The following CRACR2A variants were observed in gnomAD, a reference collection of about 807,000 sequenced individuals.
CRACR2A encodes EF-hand calcium-binding domain-containing protein 4B.
CRACR2A carries 79 observed loss-of-function variants against 90.5 expected under a neutral mutation model. The ratio of observed to expected loss-of-function variants is 0.87; its 90% CI spans 0.73 to 1.05. The LOEUF is 1.05. CRACR2A is among the 50% of genes least tolerant of loss of function. The pLI is 0.00. For missense variants in CRACR2A, 823 were observed against 897.2 expected (o/e 0.92, Z 1.06); for synonymous variants, 338 against 356.7 (o/e 0.95, Z 0.59).
At chr12:3,645,654 G>C (rs1565471886) in intron 11 of CRACR2A, among the ~76,000 whole-genome samples, 1 of 152,182 alleles carries the variant, frequency 6.6e-6, no homozygotes, top group South Asian at 2.1e-4. Context: ...GCAACATGGA[G>C]GTCATTGGCA....
chr12:3,745,361 C>A (rs4765748), intron 1 of CRACR2A, among the ~76,000 whole-genome samples: 22,163 of 151,138 alleles, frequency 0.15, 1,711 homozygotes, highest in South Asian at 0.18. Context: ...TCCAAGAACT[C>A]CTCCTCCCTC....
chr12:3,693,261 C>G (rs1945679894), intron 4 of CRACR2A, among the ~76,000 whole-genome samples: 1 of 152,204 alleles, frequency 6.6e-6, no homozygotes, highest in South Asian at 2.1e-4. Flanking sequence ...CAGTCAGCCA[C>G]AAGTCTACCA....
intron 6 of CRACR2A, among the ~76,000 whole-genome samples, chr12:3,678,366 C>A (rs769415430): frequency 1.8e-4 from 27 of 152,274 alleles, no homozygotes; most frequent in Non-Finnish European, 3.2e-4. Flanking sequence ...CATTTCCCAC[C>A]TTGGCTTCCT....
chr12:3,615,649 A>G (rs566595465), intron 19 of CRACR2A, among the ~76,000 whole-genome samples: 2 of 152,134 alleles, frequency 1.3e-5, no homozygotes, highest in Non-Finnish European at 2.9e-5. Context: ...TTTAGTTGAC[A>G]TGGATCCTTC....
intron 4 of CRACR2A, among the ~76,000 whole-genome samples, chr12:3,686,289 C>T (rs919291752): frequency 6.6e-6 from 1 of 152,236 alleles, no homozygotes; most frequent in Non-Finnish European, 1.5e-5. Flanking sequence ...GTCACATCTA[C>T]TTCCCTCTGC....
At chr12:3,745,381 G>A (rs376164482) in intron 1 of CRACR2A, among the ~76,000 whole-genome samples, 42 of 150,842 alleles carry the variant, frequency 2.8e-4, no homozygotes, top group African/African-American at 5.2e-4. Context: ...CAATCCCACC[G>A]TGTCCTCCTC....
intron 17 of CRACR2A, among the ~76,000 whole-genome samples, chr12:3,622,747 C>T (rs181246079): frequency 2.2e-3 from 336 of 152,094 alleles, no homozygotes; most frequent in African/African-American, 7.2e-3. Context: ...TTTTTCAGCA[C>T]ATTAAAGCAT....
At chr12:3,627,752 A>AGCCTGG (rs1944293852) in intron 15 of CRACR2A, 46 bp from the exon 16 acceptor site, 1 of 1,515,310 alleles carries the variant, frequency 6.6e-7, no homozygotes, top group Non-Finnish European at 9.0e-7. Context: ...GGCCAGGGGC[A>AGCCTGG]CCTCACTTCC....
intron 4 of CRACR2A, among the ~76,000 whole-genome samples, chr12:3,682,844 G>A (rs1159137368): frequency 6.7e-6 from 1 of 149,948 alleles, no homozygotes; most frequent in Admixed American, 6.6e-5. Flanking sequence ...GCAGAGTAAT[G>A]TGATCTCAGC....
intron 10 of CRACR2A, among the ~76,000 whole-genome samples, chr12:3,650,744 G>C (rs1177491057): frequency 6.6e-6 from 1 of 152,142 alleles, no homozygotes; most frequent in Non-Finnish European, 1.5e-5. Flanking sequence ...TTCTCACGGA[G>C]CGTTTTACCA....
At chr12:3,621,670 A>AAAAAAAAAAAAAAAAAAAAAAAAAAAC in intron 17 of CRACR2A, among the ~76,000 whole-genome samples, 3 of 144,430 alleles carry the variant, frequency 2.1e-5, no homozygotes, top group African/African-American at 7.6e-5. Flanking sequence ...AAAAAAAAAA[A>AAAAAAAAAAAAAAAAAAAAAAAAAAAC]AAAAAAAAAA....
intron 6 of CRACR2A, among the ~76,000 whole-genome samples, chr12:3,678,270 A>C (rs953773415): frequency 2.6e-5 from 4 of 152,154 alleles, no homozygotes; most frequent in African/African-American, 9.7e-5. Flanking sequence ...CATTTTAGGA[A>C]AAAAAATGGT....
At chr12:3,675,838 T>C (rs1945326752) in intron 6 of CRACR2A, among the ~76,000 whole-genome samples, 1 of 152,174 alleles carries the variant, frequency 6.6e-6, no homozygotes, top group South Asian at 2.1e-4. Flanking sequence ...ATAAAATCCT[T>C]TGTGCTTGCG....
intron 2 of CRACR2A, among the ~76,000 whole-genome samples, chr12:3,719,768 T>A (rs1231561178): frequency 6.6e-6 from 1 of 152,184 alleles, no homozygotes; most frequent in Admixed American, 6.5e-5. Flanking sequence ...CTCTCTTATA[T>A]CTGCTTTCAT....
rs185160329 is a variant in CRACR2A at position 3,637,794 on chromosome 12, C to T, written c.1602+330G>A. ...TCGTGCCCCTTTGTTGAGGTGTGCT[C>T]TCATGGTAACTGGCCAAGAAGGCAC... is the stretch of plus-strand genomic sequence containing the variant. On this transcript the variant is annotated intron_variant, in intron 14 of 19. Transcript: ENST00000440314. 9.8e-5 allele frequency among the ~76,000 whole-genome samples: 15 copies of T among 152,296 alleles called. No homozygotes were observed. In the East Asian group the frequency reaches 2.9e-3, roughly 29 times the overall value.
chr12:3,615,357 A>G lies in CRACR2A; in HGVS notation c.2194T>C (p.Ter732ArgextTer1), dbSNP rs1324001454. 16 of 1,551,446 alleles carry G rather than the reference A, an allele frequency of 1.0e-5. No individual in the cohort carries two copies. Among genetic ancestry groups the G allele is most frequent in the Non-Finnish European group, 1.4e-5 (16 of 1,146,884 alleles). The change falls in exon 20 of 20, where the codon TGA becomes CGA. Residue 732 changes from the stop codon to arginine, a stop_lost. Coordinates refer to ENST00000440314, the MANE Select transcript of CRACR2A (RefSeq NM_001144958.2). Reference protein sequence around the residue: ...HPAKKKSCCG* With the variant: ...HPAKKKSCCGR ...GGGGCAGTCCTTGTAGGACCCTATC[A>G]GCCACAGCAGGATTTCTTCTTAGCA... is the stretch of plus-strand genomic sequence containing the variant.
intron 17 of CRACR2A, among the ~76,000 whole-genome samples, chr12:3,623,348 G>A (rs936493195): frequency 2.0e-5 from 3 of 152,004 alleles, no homozygotes; most frequent in South Asian, 2.1e-4. Flanking sequence ...TCACTTCCTC[G>A]ACTCACATGC....
At position 3,624,207 on chromosome 12, in the gene CRACR2A, G is replaced by A. The variant is rs575918877; in HGVS notation, c.1932+3229C>T. On this transcript the variant is annotated intron_variant, in intron 17 of 19. Coordinates refer to ENST00000440314, the MANE Select transcript of CRACR2A (RefSeq NM_001144958.2). ...TTTCTTGTATGCTTTTCAGGTTGAGGGAGGAAGGGGGACTGTGAACAGCTG... is the reference window on the plus strand; with the variant it reads ...TTTCTTGTATGCTTTTCAGGTTGAGAGAGGAAGGGGGACTGTGAACAGCTG... 1.1e-3 allele frequency among the ~76,000 whole-genome samples: 170 copies of A among 152,286 alleles called. 1 individual carries two copies. The highest frequency in any genetic ancestry group is 4.0e-3 in the African/African-American group (167 of 41,554).
chr12:3,649,113 G>C (rs1387118645), intron 10 of CRACR2A, among the ~76,000 whole-genome samples: 2 of 152,050 alleles, frequency 1.3e-5, no homozygotes, highest in Non-Finnish European at 2.9e-5. Context: ...ATAGCATTAG[G>C]AGATATACCT....
Sources: allele counts gnomAD v4.1 joint callset (sites outside exome capture counted in the v4.1 genomes callset), GRCh38; gene constraint gnomAD v4.1.1; transcripts MANE v1.5; gene names NCBI Gene and HGNC (gene_info 2026-07-23, HGNC 2026-07-21).